The following PRH1 variants were observed in gnomAD, a reference collection of about 807,000 sequenced individuals.
PRH1 encodes the protein salivary acidic proline-rich phosphoprotein 1/2.
Under a neutral mutation model 7.9 loss-of-function variants are expected in PRH1, and 7 were observed. The ratio of observed to expected loss-of-function variants is 0.89; its 90% CI spans 0.50 to 1.67. The LOEUF (loss-of-function observed/expected upper bound fraction) is 1.67. Ranked by LOEUF, PRH1 falls within the 40% of genes most tolerant of loss-of-function variation. The pLI is 0.00. For synonymous variants in PRH1, 45 were observed against 80.8 expected (o/e 0.56, Z 2.38); for missense variants, 109 against 223.6 (o/e 0.49, Z 3.27).
intron 1 of PRH1, chr12:10,986,792 G>C: frequency 6.3e-7 from 1 of 1,581,750 alleles, no homozygotes; most frequent in African/African-American, 1.4e-5. Context: ...TGAAGCCATT[G>C]GCAAAGTTTC....
chr12:11,092,074 C>T (rs1394015194), intron 1 of PRH1: 5 of 1,550,438 alleles, frequency 3.2e-6, no homozygotes, highest in South Asian at 2.2e-5. Flanking sequence ...CTCTGGAGAC[C>T]GCCAGAGCAG....
Position 11,150,370 on chromosome 12 carries a change from C to T in PRH1, n.39+21052G>A, listed in dbSNP as rs556865055. ...ATGCTGCTATAAAGACACATGCACA[C>T]GTATGTTTATTGCAGCACTATTCAC... On this transcript the variant is annotated intron_variant and non_coding_transcript_variant, in intron 1 of 1. Transcript: ENST00000541175. 9.2e-5 allele frequency among the ~76,000 whole-genome samples: 14 copies of T among 152,140 alleles called. No homozygotes were observed. In the South Asian group the frequency reaches 2.3e-3, roughly 25 times the overall value.
chr12:10,946,925 T>C (rs1284108123), intron 2 of PRH1, among the ~76,000 whole-genome samples: 5 of 152,214 alleles, frequency 3.3e-5, no homozygotes, highest in Non-Finnish European at 1.5e-5. Flanking sequence ...TTAATTTCCA[T>C]GTAATTGTAT....
At chr12:11,101,015 T>C (rs939177074) in intron 1 of PRH1, among the ~76,000 whole-genome samples, 1 of 152,228 alleles carries the variant, frequency 6.6e-6, no homozygotes, top group Non-Finnish European at 1.5e-5. Context: ...CTATAATTTA[T>C]TGTAAATTCC....
At chr12:11,056,413 G>GTT (rs1237828521) in intron 1 of PRH1, among the ~76,000 whole-genome samples, 1 of 152,130 alleles carries the variant, frequency 6.6e-6, no homozygotes. Context: ...CAGTATGATG[G>GTT]TTTCTAAGAG....
At chr12:11,060,814 A>C (rs1416116401) in intron 1 of PRH1, among the ~76,000 whole-genome samples, 1 of 152,260 alleles carries the variant, frequency 6.6e-6, no homozygotes, top group East Asian at 1.9e-4. Flanking sequence ...AACATAAAAT[A>C]GGAATTCATA....
intron 1 of PRH1, chr12:10,986,692 C>G (rs1939651448): frequency 6.2e-7 from 1 of 1,612,214 alleles, no homozygotes; most frequent in Admixed American, 1.7e-5. Flanking sequence ...CAGAGCAAAC[C>G]AATTCTGGAG....
At chr12:11,033,551 G>A (rs1942314765) in intron 1 of PRH1, among the ~76,000 whole-genome samples, 1 of 152,116 alleles carries the variant, frequency 6.6e-6, no homozygotes, top group South Asian at 2.1e-4. Flanking sequence ...GAATTCAGGA[G>A]CCGAAAGAAA....
chr12:11,061,292 G>T, intron 1 of PRH1: 2 of 1,529,586 alleles, frequency 1.3e-6, no homozygotes, highest in Non-Finnish European at 8.8e-7. Context: ...AGAAAACACA[G>T]TAAGAAATAT....
intron 1 of PRH1, among the ~76,000 whole-genome samples, chr12:11,023,169 T>G (rs1941746239): frequency 6.6e-6 from 1 of 152,104 alleles, no homozygotes; most frequent in African/African-American, 2.4e-5. Context: ...TGATACACTT[T>G]AAAATCTGGT....
At chr12:10,884,265 G>T (rs376519474), upstream of PRH1, 94 of 1,611,418 alleles carry the variant, frequency 5.8e-5, no homozygotes, top group Non-Finnish European at 7.7e-5. Flanking sequence ...TGGGAGAAAC[G>T]TGTCAGCTCC....
At chr12:10,921,330 A>G (rs1452890670) in intron 2 of PRH1, among the ~76,000 whole-genome samples, 1 of 152,100 alleles carries the variant, frequency 6.6e-6, no homozygotes, top group East Asian at 1.9e-4. Flanking sequence ...TTGATAGTCC[A>G]TTCAAAATCT....
intron 2 of PRH1, among the ~76,000 whole-genome samples, chr12:10,912,203 A>G (rs1949910357): frequency 6.6e-6 from 1 of 152,106 alleles, no homozygotes; most frequent in African/African-American, 2.4e-5. Flanking sequence ...GTTTATTTTG[A>G]GTTTGGAGAC....
rs543522677 is a variant in PRH1, at chr12:11,154,858, C to G, written n.39+16564G>C. Among the ~76,000 whole-genome samples, 73 of 152,206 alleles carry G rather than the reference C, an allele frequency of 4.8e-4. 1 individual carries two copies. In the South Asian group the frequency reaches 0.015, roughly 31 times the overall value. On this transcript the variant is annotated intron_variant and non_coding_transcript_variant, in intron 1 of 1. Transcript: ENST00000541175. ...CCTCTGGTGCTTCAGGAAAGAGGAT[C>G]AGAGACACAGACAGAAGGGAAAACT... is the stretch of plus-strand genomic sequence containing the variant.
chr12:11,100,520 T>C (rs1320475438), intron 1 of PRH1, among the ~76,000 whole-genome samples: 1 of 152,210 alleles, frequency 6.6e-6, no homozygotes, highest in Non-Finnish European at 1.5e-5. Flanking sequence ...TAAGACAAAG[T>C]ATCTCCACCA....
At chr12:10,967,394 A>T (rs1346975021) in intron 2 of PRH1, among the ~76,000 whole-genome samples, 1 of 152,232 alleles carries the variant, frequency 6.6e-6, no homozygotes, top group Non-Finnish European at 1.5e-5. Flanking sequence ...TGGTAAACAC[A>T]GCAATGTATT....
intron 1 of PRH1, among the ~76,000 whole-genome samples, chr12:11,027,813 A>G (rs898858445): frequency 1.3e-5 from 2 of 152,172 alleles, no homozygotes; most frequent in Non-Finnish European, 2.9e-5. Context: ...ATCCCTATGG[A>G]ATTAGTGTAA....
At chr12:11,071,205 A>G (rs1944051995) in intron 1 of PRH1, among the ~76,000 whole-genome samples, 1 of 151,436 alleles carries the variant, frequency 6.6e-6, no homozygotes, top group Non-Finnish European at 1.5e-5. Flanking sequence ...CAGGAAGTGG[A>G]CCAGGAAATT....
chr12:10,979,467 C>T (rs1939252930), intron 1 of PRH1, among the ~76,000 whole-genome samples: 1 of 152,068 alleles, frequency 6.6e-6, no homozygotes, highest in Non-Finnish European at 1.5e-5. Context: ...ATGTTGCTAG[C>T]ATGGGATGAG....
Sources: allele counts gnomAD v4.1 joint callset (sites outside exome capture counted in the v4.1 genomes callset), GRCh38; gene constraint gnomAD v4.1.1; transcripts MANE v1.5; gene names NCBI Gene and HGNC (gene_info 2026-07-23, HGNC 2026-07-21).